The following DOT1L variants were observed in gnomAD, a reference collection of about 807,000 sequenced individuals.
DOT1L encodes the protein DOT1 like histone lysine methyltransferase, also known as histone-lysine N-methyltransferase, H3 lysine-79 specific.
In DOT1L, 33 loss-of-function variants were observed where a neutral mutation model predicts 153.3. The observed-to-expected ratio is 0.22, with a 90% CI of 0.16 to 0.29. DOT1L has a LOEUF of 0.29. Among genes scored for constraint, DOT1L ranks in the 10% least tolerant of loss-of-function variants. DOT1L has a pLI of 1.00. For missense variants in DOT1L, 1,847 were observed against 2,119.9 expected (o/e 0.87, Z 2.53); for synonymous variants, 1,135 against 965.1 (o/e 1.18, Z -3.26).
Position 2,208,233 on chromosome 19 carries a change from G to A in DOT1L, c.963+553G>A, listed in dbSNP as rs150716978. 8.6e-4 allele frequency among the ~76,000 whole-genome samples: 131 copies of A among 152,254 alleles called. 1 individual carries two copies. Among genetic ancestry groups the A allele is most frequent in the East Asian group, 3.1e-3 (16 of 5,178 alleles). ...CCGAGCCTCCTGGCATGTGGGCAGC[G>A]CCAGCCCTCCAGGGCTGGGAGGCTT... On this transcript the variant is annotated intron_variant, in intron 11 of 27. Transcript: ENST00000398665. This position sits in a 1 kb window ranked among gnomAD's most constrained non-coding sequence, Gnocchi z 4.4.
At chr19:2,186,554 G>A (rs1203183807) in intron 3 of DOT1L, among the ~76,000 whole-genome samples, 2 of 152,238 alleles carry the variant, frequency 1.3e-5, no homozygotes, top group Admixed American at 6.5e-5. Context: ...CGTGAGCTTA[G>A]GTGAGCCCCT....
chr19:2,210,129 C>T (rs934870692), intron 12 of DOT1L, among the ~76,000 whole-genome samples: 1 of 151,550 alleles, frequency 6.6e-6, no homozygotes, highest in Admixed American at 6.6e-5. Flanking sequence ...CTGTGGCTCA[C>T]AGTCTGGCTT....
chr19:2,180,936 G>A (rs1224889318), intron 2 of DOT1L, among the ~76,000 whole-genome samples, 180 bp downstream of exon 2: 1 of 152,174 alleles, frequency 6.6e-6, no homozygotes, highest in Non-Finnish European at 1.5e-5. Flanking sequence ...CTCCATTCCT[G>A]GCCAGTGGGT....
intron 1 of DOT1L, among the ~76,000 whole-genome samples, chr19:2,165,351 C>A (rs540821138): frequency 6.6e-6 from 1 of 152,254 alleles, no homozygotes; most frequent in East Asian, 1.9e-4. Flanking sequence ...ACGCGGAGAG[C>A]GCTGGGGAGC....
At chr19:2,229,678 G>A in intron 27 of DOT1L, 107 bp from the exon 28 acceptor site, 2 of 1,603,292 alleles carry the variant, frequency 1.2e-6, no homozygotes, top group Non-Finnish European at 1.7e-6. Context: ...GGCCCCAGGT[G>A]GCGTGTGTGC....
chr19:2,190,584 G>A lies in DOT1L; in HGVS notation c.265-428G>A, dbSNP rs1191827915. Among the ~76,000 whole-genome samples the A allele has an allele frequency of 6.6e-6, 1 of 152,152 alleles. No homozygotes were observed. Among genetic ancestry groups the A allele is most frequent in the African/African-American group, 2.4e-5 (1 of 41,440 alleles). On this transcript the variant is annotated intron_variant, in intron 4 of 27. Coordinates refer to ENST00000398665, the MANE Select transcript of DOT1L (RefSeq NM_032482.3). This position sits in a 1 kb window ranked among gnomAD's most constrained non-coding sequence, Gnocchi z 4.8. ...GCTGCAGCTGGTGGGGAGGAAGGCG[G>A]GGTCCCACGTAGTCGAGTCAGATGA...
At position 2,211,233 on chromosome 19, in the gene DOT1L, C is replaced by T. The variant is rs376382287; in HGVS notation, c.1465+21C>T. 3.6e-5 allele frequency: 57 copies of T among 1,580,580 alleles called. No individual in the cohort carries two copies. The African/African-American group carries it at 4.3e-4, about 12-fold the overall frequency. ...TCTAGGTGAGCCCGTGTGAGGCGTC[C>T]GGCGAAGGGTTCTGGGCTTGGGGTC... On this transcript the variant is annotated intron_variant, in intron 15 of 27. Coordinates refer to ENST00000398665, the MANE Select transcript of DOT1L (RefSeq NM_032482.3).
intron 8 of DOT1L, among the ~76,000 whole-genome samples, chr19:2,201,886 G>A (rs900572236): frequency 2.6e-5 from 4 of 152,216 alleles, no homozygotes; most frequent in African/African-American, 9.6e-5. Flanking sequence ...GACCAGGAGG[G>A]ACTCCTCCCA....
In DOT1L at chr19:2,226,307, G is replaced by A. The variant is rs748876516; in HGVS notation, c.3786G>A (p.Gln1262=). 8.3e-5 allele frequency: 133 copies of A among 1,598,666 alleles called. 1 individual carries two copies. The Admixed American group carries it at 2.3e-3, about 27-fold the overall frequency. ...CCAAGTCGGCGGACAGCCCGCTGCA[G>A]GCCAGCTCCGCCCTCAGCCAGAACT... ...GLAKSADSPL[Q]ASSALSQNSL... Residue 1262 remains glutamine (Q), a synonymous_variant, in exon 27 of 28, where the codon CAG becomes CAA. Coordinates refer to ENST00000398665, the MANE Select transcript of DOT1L (RefSeq NM_032482.3).
chr19:2,228,978 A>G lies in DOT1L; in HGVS notation c.4607-807A>G, dbSNP rs767549105. ...TGGGTTCCCGGCGGGGTCGAGAGGCAAGCTCTGTGCCCTGCGTGTTGAGGC... is the reference window on the plus strand; with the variant it reads ...TGGGTTCCCGGCGGGGTCGAGAGGCGAGCTCTGTGCCCTGCGTGTTGAGGC... On this transcript the variant is annotated intron_variant, in intron 27 of 27. Transcript: ENST00000398665. The G allele has an allele frequency of 6.1e-4, 600 of 985,230 alleles. 1 individual carries two copies. Among genetic ancestry groups the G allele is most frequent in the Non-Finnish European group, 6.8e-4 (567 of 829,910 alleles). 61.0% of individuals were successfully genotyped at this position (985,230 alleles called of 1,614,324 possible). A position where few individuals can be genotyped will look rare whatever the true frequency, so the allele number is the denominator to read the frequency against.
At chr19:2,170,032 C>T (rs1466784888) in intron 1 of DOT1L, among the ~76,000 whole-genome samples, 1 of 152,096 alleles carries the variant, frequency 6.6e-6, no homozygotes, top group Non-Finnish European at 1.5e-5. Context: ...TGGCGGTTGC[C>T]TATAATCCGG....
At position 2,191,398 on chromosome 19, in the gene DOT1L, T is replaced by G. The variant is rs1432240735; in HGVS notation, c.493+158T>G. ...CGCCTCTGTCCCGCTGTGGGGCCGT[T>G]CCTTTCCCCAGCCCTGACCGGGCTC... On this transcript the variant is annotated intron_variant, in intron 5 of 27. Coordinates refer to ENST00000398665, the MANE Select transcript of DOT1L (RefSeq NM_032482.3). This position sits in a 1 kb window ranked among gnomAD's most constrained non-coding sequence, Gnocchi z 6.8. 4 of 762,770 alleles carry G rather than the reference T, an allele frequency of 5.2e-6. No individual in the cohort carries two copies. Among genetic ancestry groups the G allele is most frequent in the Non-Finnish European group, 6.4e-6 (3 of 468,588 alleles). 47.3% of individuals were successfully genotyped at this position (762,770 alleles called of 1,614,324 possible).
At chr19:2,212,518 G>C (rs969039700) in intron 16 of DOT1L, 11 of 152,270 alleles carry the variant, frequency 7.2e-5, no homozygotes, top group African/African-American at 2.7e-4. Context: ...ATCCCAGTCA[G>C]CTCAGGGACT....
At chr19:2,167,734 C>CTTTTTTTTTT (rs66826356) in intron 1 of DOT1L, among the ~76,000 whole-genome samples, 18 of 134,700 alleles carry the variant, frequency 1.3e-4, no homozygotes, top group South Asian at 2.3e-4. Context: ...CTTTTCTTTT[C>CTTTTTTTTTT]TTTTTTTTTT....
chr19:2,232,456 T>C lies in DOT1L; in HGVS notation c.*2664T>C, dbSNP rs746234788. On this transcript the variant is annotated 3_prime_UTR_variant, in exon 28 of 28. Transcript: ENST00000398665. Reference sequence around the variant, plus strand: ...TCTGCCGTGTCTTCCGGGTGAACTGTATTTGGATTGCGCGCATTGTCACGG... The same window carrying C: ...TCTGCCGTGTCTTCCGGGTGAACTGCATTTGGATTGCGCGCATTGTCACGG... 10 of 215,372 alleles carry C rather than the reference T, an allele frequency of 4.6e-5. No individual in the cohort carries two copies. The highest frequency in any genetic ancestry group is 8.4e-5 in the Non-Finnish European group (9 of 107,062). The allele number at this position is 215,372 out of a possible 1,614,324, so 13.3% of individuals were successfully genotyped here.
chr19:2,214,763 G>C (rs2023837805), intron 19 of DOT1L, 167 bp downstream of exon 19: 1 of 1,063,874 alleles, frequency 9.4e-7, no homozygotes, highest in South Asian at 1.7e-5. Context: ...GCCGCAGGCT[G>C]CCCGTGTGGA....
intron 1 of DOT1L, among the ~76,000 whole-genome samples, chr19:2,167,734 CTTTT>C (rs66826356): frequency 7.4e-6 from 1 of 134,726 alleles, no homozygotes. Flanking sequence ...CTTTTCTTTT[CTTTT>C]TTTTTTTTTT....
At chr19:2,172,402 G>T (rs2021687261) in intron 1 of DOT1L, among the ~76,000 whole-genome samples, 1 of 151,702 alleles carries the variant, frequency 6.6e-6, no homozygotes, top group South Asian at 2.1e-4. Flanking sequence ...TGTTAGCCAG[G>T]ATGGTCTCGA....
chr19:2,197,354 C>CCA lies in DOT1L; in HGVS notation c.652-2525_652-2524dup, dbSNP rs1164030417. Among the ~76,000 whole-genome samples the CCA allele has an allele frequency of 2.0e-5, 3 of 152,196 alleles. No homozygotes were observed. The highest frequency in any genetic ancestry group is 4.4e-5 in the Non-Finnish European group (3 of 68,032). ...TGGGTTCCTGGCTGTGGCAGGCGAG[C>CCA]CACACAGATCCCAGCACAGAGGATG... is the stretch of plus-strand genomic sequence containing the variant. On this transcript the variant is annotated intron_variant, in intron 7 of 27. Transcript: ENST00000398665. This position sits in a 1 kb window ranked among gnomAD's most constrained non-coding sequence, Gnocchi z 4.1.
Sources: allele counts gnomAD v4.1 joint callset (sites outside exome capture counted in the v4.1 genomes callset), GRCh38; gene constraint gnomAD v4.1.1; non-coding constraint Gnocchi (gnomAD v3.1); transcripts MANE v1.5; gene names NCBI Gene and HGNC (gene_info 2026-07-23, HGNC 2026-07-21).